Variants in IL19 observed in about 807,000 individuals in gnomAD.
The protein encoded by IL19 is interleukin-19.
IL19 carries 15 observed loss-of-function variants against 19.5 expected under a neutral mutation model. That is an observed-to-expected ratio of 0.77 (90% CI 0.52 to 1.19). IL19 has a LOEUF of 1.19. Ranked by LOEUF, IL19 falls within the 50% of genes most tolerant of loss-of-function variation. The pLI is 0.00. For missense variants in IL19, 199 were observed against 213.1 expected (o/e 0.93, Z 0.41); for synonymous variants, 78 against 78.3 (o/e 1.00, Z 0.02).
chr1:206,814,238 G>A (rs1054365445), intron 2 of IL19, among the ~76,000 whole-genome samples: 4 of 151,862 alleles, frequency 2.6e-5, no homozygotes, highest in South Asian at 4.2e-4. Context: ...AGTTTGAACG[G>A]CAATTATGAG....
chr1:206,814,456 T>C (rs925570935), intron 2 of IL19, among the ~76,000 whole-genome samples: 44 of 148,774 alleles, frequency 3.0e-4, no homozygotes, highest in African/African-American at 1.1e-3. Flanking sequence ...TTTAGGAGGC[T>C]AAGGTGGGCA....
intron 1 of IL19, among the ~76,000 whole-genome samples, chr1:206,779,016 G>A (rs1032368415): frequency 4.6e-5 from 7 of 152,220 alleles, no homozygotes; most frequent in South Asian, 2.1e-4. Flanking sequence ...GGAGATGTCC[G>A]GGGTCCAGGG....
At chr1:206,821,796 A>G (rs1210640067) in intron 2 of IL19, among the ~76,000 whole-genome samples, 2 of 152,208 alleles carry the variant, frequency 1.3e-5, no homozygotes, top group Non-Finnish European at 2.9e-5. Context: ...TGGGATCAAC[A>G]GCTCCCTTTC....
intron 4 of IL19, 46 bp downstream of exon 4, chr1:206,837,069 T>A: frequency 6.8e-7 from 1 of 1,463,012 alleles, no homozygotes; most frequent in Non-Finnish European, 9.6e-7. Flanking sequence ...TCTTCATGTC[T>A]AAATGGCTCT....
intron 1 of IL19, among the ~76,000 whole-genome samples, chr1:206,774,848 A>T (rs1201199388): frequency 2.6e-5 from 4 of 152,154 alleles, no homozygotes; most frequent in African/African-American, 7.2e-5. Context: ...GTCTGGGCAC[A>T]GGTAAGCATT....
At position 206,771,089 on chromosome 1, in the gene IL19, G is replaced by A; in HGVS notation, c.-149+11G>A. On this transcript the variant is annotated intron_variant, in intron 1 of 6. Transcript: ENST00000659997. ...GGGCAGGAGCCAAAGGTGAGTGAGA[G>A]ATTGGCGGAGGTGGCTGGGAGGAGG... 3 of 1,613,444 alleles carry A rather than the reference G, an allele frequency of 1.9e-6. No homozygotes were observed. Among genetic ancestry groups the A allele is most frequent in the Non-Finnish European group, 2.5e-6 (3 of 1,179,500 alleles).
At chr1:206,804,897 A>G (rs1047345641) in intron 2 of IL19, among the ~76,000 whole-genome samples, 5 of 152,204 alleles carry the variant, frequency 3.3e-5, no homozygotes, top group African/African-American at 1.2e-4. Context: ...AATTATCTGA[A>G]TCCCAGAGAA....
At chr1:206,820,774 C>A (rs989897424) in intron 2 of IL19, among the ~76,000 whole-genome samples, 1 of 152,216 alleles carries the variant, frequency 6.6e-6, no homozygotes, top group African/African-American at 2.4e-5. Flanking sequence ...CTCTGAGAGT[C>A]TTGTCAGCTT....
chr1:206,827,861 C>G (rs1198140059), intron 2 of IL19, among the ~76,000 whole-genome samples: 1 of 152,224 alleles, frequency 6.6e-6, no homozygotes, highest in East Asian at 1.9e-4. Context: ...GTACCACACC[C>G]CACCTGGGTG....
At chr1:206,796,189 G>A (rs1309741290) in intron 1 of IL19, among the ~76,000 whole-genome samples, 1 of 152,086 alleles carries the variant, frequency 6.6e-6, no homozygotes, top group Non-Finnish European at 1.5e-5. Flanking sequence ...CAGAAAAGGG[G>A]AATTCTCCTT....
chr1:206,783,274 G>A (rs1028847004), intron 1 of IL19, among the ~76,000 whole-genome samples: 8 of 152,226 alleles, frequency 5.3e-5, no homozygotes, highest in East Asian at 1.9e-4. Context: ...AAGTTGTCTC[G>A]ACCTTCAGAT....
intron 2 of IL19, among the ~76,000 whole-genome samples, chr1:206,821,843 G>T (rs1427619464): frequency 1.3e-5 from 2 of 152,228 alleles, no homozygotes; most frequent in South Asian, 2.1e-4. Flanking sequence ...TGGAAGGAAA[G>T]CCGCCCACTG....
intron 2 of IL19, among the ~76,000 whole-genome samples, chr1:206,832,511 G>A (rs1039744623): frequency 2.0e-5 from 3 of 152,038 alleles, no homozygotes; most frequent in South Asian, 2.1e-4. Flanking sequence ...CCATACCCTC[G>A]TCTTATTTCC....
intron 1 of IL19, among the ~76,000 whole-genome samples, chr1:206,786,745 T>C (rs974269395): frequency 1.3e-5 from 2 of 152,106 alleles, no homozygotes; most frequent in Non-Finnish European, 2.9e-5. Context: ...GAGCTCTTCA[T>C]ATTGACCTCA....
At chr1:206,830,456 A>G (rs1676563274) in intron 2 of IL19, among the ~76,000 whole-genome samples, 1 of 152,174 alleles carries the variant, frequency 6.6e-6, no homozygotes, top group African/African-American at 2.4e-5. Context: ...AAAGCTATAC[A>G]GAAGTTCACA....
In IL19 at chr1:206,789,111, G is replaced by C. The variant is rs566776493; in HGVS notation, c.-148-9750G>C. The stretch of plus-strand genomic sequence containing the variant: ...AAGAAAGAGATTGTTTCAAGGAACA[G>C]CTGTAGGGTTAGATAGAGAGGACTG... On this transcript the variant is annotated intron_variant, in intron 1 of 6. Coordinates refer to ENST00000659997, the MANE Select transcript of IL19 (RefSeq NM_153758.5). Among the ~76,000 whole-genome samples, 6 of 152,360 alleles carry C rather than the reference G, an allele frequency of 3.9e-5. No individual in the cohort carries two copies. In the South Asian group the frequency reaches 1.2e-3, roughly 32 times the overall value.
At position 206,772,342 on chromosome 1, in the gene IL19, G is replaced by T. The variant is rs376787667; in HGVS notation, c.-149+1264G>T. 1.2e-6 allele frequency: 2 copies of T among 1,614,174 alleles called. No homozygotes were observed. Among genetic ancestry groups the T allele is most frequent in the Admixed American group, 1.7e-5 (1 of 60,034 alleles). The stretch of plus-strand genomic sequence containing the variant: ...ATGTTAGGCAGGTTGCCTGGGAAGT[G>T]GGTGCAGCTGTTCTCAGACTGGGTG... On this transcript the variant is annotated intron_variant, in intron 1 of 6. Transcript: ENST00000659997.
chr1:206,839,760 T>A (rs1405794734), intron 4 of IL19, 90 bp from the exon 5 acceptor site: 1 of 1,121,496 alleles, frequency 8.9e-7, no homozygotes, highest in African/African-American at 1.6e-5. Context: ...AGTTCTCTCA[T>A]GTGTCGCTGC....
chr1:206,813,550 G>A (rs1405397295), intron 2 of IL19, among the ~76,000 whole-genome samples: 2 of 152,130 alleles, frequency 1.3e-5, no homozygotes, highest in Non-Finnish European at 2.9e-5. Flanking sequence ...CACTGGCCAA[G>A]CAATGCCTCT....
Sources: allele counts gnomAD v4.1 joint callset (sites outside exome capture counted in the v4.1 genomes callset), GRCh38; gene constraint gnomAD v4.1.1; transcripts MANE v1.5; gene names NCBI Gene and HGNC (gene_info 2026-07-23, HGNC 2026-07-21).